GRIP2: variants seen among roughly 807,000 people sequenced by gnomAD.
GRIP2 encodes glutamate receptor-interacting protein 2.
A neutral mutation model predicts 108.3 loss-of-function variants in GRIP2; 58 were observed. That is an observed-to-expected ratio of 0.54 (90% CI 0.43 to 0.67). The LOEUF is 0.67. Among genes scored for constraint, GRIP2 ranks in the 30% least tolerant of loss-of-function variants. The pLI is 0.00. For missense variants in GRIP2, 1,278 were observed against 1,430.6 expected, an observed-to-expected ratio of 0.89 and a Z score of 1.72; for synonymous variants, 586 against 598.2, an observed-to-expected ratio of 0.98 and a Z score of 0.30.
the GRIP2 span, among the ~76,000 whole-genome samples, chr3:14,600,298 C>T: frequency 1.2e-3 from 185 of 152,290 alleles, no homozygotes; most frequent in Non-Finnish European, 2.0e-3. Flanking sequence ...TTCTTAAGCA[C>T]CTATTACGTG....
At chr3:14,496,338 GC>G in intron 22 of GRIP2, 78 bp downstream of exon 22, 1 of 1,267,944 alleles carries the variant, frequency 7.9e-7, no homozygotes, top group South Asian at 1.5e-5. Flanking sequence ...GAGGGGCAGG[GC>G]CCCTCTGGAG....
chr3:14,514,186 G>T (rs2124896630), intron 12 of GRIP2, 106 bp downstream of exon 12: 1 of 1,057,790 alleles, frequency 9.5e-7, no homozygotes, highest in Non-Finnish European at 1.4e-6. Flanking sequence ...TGCTGGGGCT[G>T]ATGCAATGGT....
At position 14,525,606 on chromosome 3, in the gene GRIP2, C is replaced by A. The variant is rs1352281764; in HGVS notation, c.122-34G>T. On this transcript the variant is annotated intron_variant, in intron 2 of 23. Transcript: ENST00000621039. ...AGATGGGGATGGGGGCTTGAGCGGG[C>A]AGCTGGGGCCACCCCAGGCCCCCAG... is the stretch of plus-strand genomic sequence containing the variant. 2.5e-6 allele frequency: 4 copies of A among 1,611,996 alleles called. No homozygotes were observed. In the South Asian group the frequency reaches 3.3e-5, roughly 13 times the overall value.
At chr3:14,542,248 G>A (rs1384818712), upstream of GRIP2, among the ~76,000 whole-genome samples, 1 of 151,900 alleles carries the variant, frequency 6.6e-6, no homozygotes, top group African/African-American at 2.4e-5. Flanking sequence ...ACACTGGCTG[G>A]GCTCAGATGA....
chr3:14,505,849 C>A lies in GRIP2; in HGVS notation c.2399-60G>T. 2.8e-6 allele frequency: 4 copies of A among 1,436,564 alleles called. No homozygotes were observed. Among genetic ancestry groups the A allele is most frequent in the Non-Finnish European group, 3.7e-6 (4 of 1,085,674 alleles). 89.0% of individuals were successfully genotyped at this position (1,436,564 alleles called of 1,614,324 possible). A position where few individuals can be genotyped will look rare whatever the true frequency, so the allele number is the denominator to read the frequency against. On this transcript the variant is annotated intron_variant, in intron 19 of 23. Coordinates refer to ENST00000621039, the MANE Select transcript of GRIP2 (RefSeq NM_001080423.4). This position sits in a 1 kb window ranked among gnomAD's most constrained non-coding sequence, Gnocchi z 4.2. ...GGCCTCACCTTGCCCTCCTGCCTGC[C>A]CCATTTCCAGCTGTGCTGAGTGACC...
chr3:14,554,078 A>G (rs972443945), intron 1 of GRIP2, among the ~76,000 whole-genome samples: 1 of 152,156 alleles, frequency 6.6e-6, no homozygotes. Flanking sequence ...TAAGGGGAAG[A>G]TGGAATTAAA....
upstream of GRIP2, among the ~76,000 whole-genome samples, chr3:14,543,478 C>T (rs1402814285): frequency 1.3e-5 from 2 of 152,206 alleles, no homozygotes; most frequent in African/African-American, 4.8e-5. Context: ...GAAGGATTTC[C>T]GTCTGGGAGG....
At chr3:14,551,899 C>T (rs771157397) in intron 1 of GRIP2, among the ~76,000 whole-genome samples, 36 of 152,104 alleles carry the variant, frequency 2.4e-4, no homozygotes, top group Admixed American at 7.9e-4. Flanking sequence ...TAGTTCATAA[C>T]CCACAGGCCT....
Position 14,512,318 on chromosome 3 carries a change from C to T in GRIP2, c.1720+459G>A, listed in dbSNP as rs1203362982. 1.3e-5 allele frequency among the ~76,000 whole-genome samples: 2 copies of T among 152,150 alleles called. No homozygotes were observed. Among genetic ancestry groups the T allele is most frequent in the South Asian group, 2.1e-4 (1 of 4,826 alleles). ...TTTACTCAGAATAAGATGGGAGCCA[C>T]GGGAGTGCTTTCACCTTTCCCATGC... On this transcript the variant is annotated intron_variant, in intron 14 of 23. Transcript: ENST00000621039. This position sits in a 1 kb window ranked among gnomAD's most constrained non-coding sequence, Gnocchi z 5.1.
chr3:14,518,582 A>T (rs1353305525), intron 9 of GRIP2, among the ~76,000 whole-genome samples: 1 of 151,754 alleles, frequency 6.6e-6, no homozygotes, highest in African/African-American at 2.4e-5. Context: ...CCTCCATCTG[A>T]TCCTCCAAAC....
Position 14,529,052 on chromosome 3 carries a change from T to C in GRIP2, c.41-3121A>G, listed in dbSNP as rs1458370200. Among the ~76,000 whole-genome samples, 5 of 150,638 alleles carry C rather than the reference T, an allele frequency of 3.3e-5. No homozygotes were observed. The East Asian group carries it at 7.8e-4, about 24-fold the overall frequency. ...TTGGGAGGCCAAAGGGGGCGGATCA[T>C]GAGGTCAGGAGATCAAAACCATCCT... On this transcript the variant is annotated intron_variant, in intron 1 of 23. Transcript: ENST00000621039.
At chr3:14,558,779 G>T (rs1695276996), upstream of GRIP2, among the ~76,000 whole-genome samples, 1 of 152,126 alleles carries the variant, frequency 6.6e-6, no homozygotes, top group South Asian at 2.1e-4. Context: ...CAGGCCTCAG[G>T]GCCCACTGCA....
intron 22 of GRIP2, among the ~76,000 whole-genome samples, chr3:14,496,163 AT>A (rs1384591785): frequency 6.6e-6 from 1 of 152,170 alleles, no homozygotes; most frequent in East Asian, 1.9e-4. Flanking sequence ...AAATACATAG[AT>A]AAAATAACTT....
the GRIP2 span, among the ~76,000 whole-genome samples, chr3:14,583,174 G>A: frequency 3.9e-5 from 6 of 152,238 alleles, no homozygotes; most frequent in Middle Eastern, 3.4e-3. Context: ...TTCTTACCCT[G>A]TCTTATGACT....
At chr3:14,524,947 C>T (rs1230484811) in intron 3 of GRIP2, among the ~76,000 whole-genome samples, 2 of 152,166 alleles carry the variant, frequency 1.3e-5, no homozygotes, top group African/African-American at 4.8e-5. Context: ...AGGCTAACTC[C>T]CAGGCCTCAC....
At position 14,505,736 on chromosome 3, in the gene GRIP2, G is replaced by T. The variant is rs1413912921; in HGVS notation, c.2452C>A (p.Pro818Thr). ...ARGTTPQERR[P>T]GWLRGSPPPT... ...GGGGGGCTGCCCCTCAGCCAGCCAGGCCTCCGCTCCTGGGGGGTCGTGCCC... is the reference window on the plus strand; with the variant it reads ...GGGGGGCTGCCCCTCAGCCAGCCAGTCCTCCGCTCCTGGGGGGTCGTGCCC... The change falls in exon 20 of 24, where the codon CCT (proline) becomes ACT (threonine). Residue 818 changes from proline to threonine, a missense_variant. By Grantham distance (38) the Pro-to-Thr change is conservative. Coordinates refer to ENST00000621039, the MANE Select transcript of GRIP2 (RefSeq NM_001080423.4). This position sits in a 1 kb window ranked among gnomAD's most constrained non-coding sequence, Gnocchi z 4.2. 10 of 1,584,304 alleles carry T rather than the reference G, an allele frequency of 6.3e-6. No homozygotes were observed. Among genetic ancestry groups the T allele is most frequent in the Non-Finnish European group, 8.6e-6 (10 of 1,165,242 alleles).
At chr3:14,557,494 G>A (rs760895884), upstream of GRIP2, among the ~76,000 whole-genome samples, 9 of 152,248 alleles carry the variant, frequency 5.9e-5, no homozygotes, top group Non-Finnish European at 1.3e-4. Context: ...CTCTGTTGGG[G>A]CAACTCAGCT....
intron 10 of GRIP2, 88 bp downstream of exon 10, chr3:14,517,684 G>C (rs1442333689): frequency 4.0e-6 from 6 of 1,511,330 alleles, no homozygotes; most frequent in Middle Eastern, 2.3e-4. Context: ...CTCTGAGTCT[G>C]AGTTTCCTTC....
At chr3:14,517,420 A>G (rs1694280010) in intron 10 of GRIP2, among the ~76,000 whole-genome samples, 1 of 148,668 alleles carries the variant, frequency 6.7e-6, no homozygotes, top group African/African-American at 2.5e-5. Flanking sequence ...TGTGAAACTC[A>G]GCTATTAGGG....
Sources: allele counts gnomAD v4.1 joint callset (sites outside exome capture counted in the v4.1 genomes callset), GRCh38; gene constraint gnomAD v4.1.1; non-coding constraint Gnocchi (gnomAD v3.1); transcripts MANE v1.5; gene names NCBI Gene and HGNC (gene_info 2026-07-23, HGNC 2026-07-21).